KCNIP4: variants seen among roughly 807,000 people sequenced by gnomAD.
KCNIP4 encodes the protein Kv channel-interacting protein 4.
In KCNIP4, 12 loss-of-function variants were observed where a neutral mutation model predicts 34.0. That is an observed-to-expected ratio of 0.35 (90% CI 0.23 to 0.57). The LOEUF (loss-of-function observed/expected upper bound fraction) is 0.57. Among genes scored for constraint, KCNIP4 ranks in the 20% least tolerant of loss-of-function variants. KCNIP4 has a pLI of 0.83. For missense variants in KCNIP4, 238 were observed against 311.7 expected (o/e 0.76, Z 1.78); for synonymous variants, 124 against 102.2 (o/e 1.21, Z -1.29).
chr4:21,719,242 T>G (rs1364659716), intron 1 of KCNIP4, among the ~76,000 whole-genome samples: 1 of 152,060 alleles, frequency 6.6e-6, no homozygotes, highest in Non-Finnish European at 1.5e-5. Context: ...GAAACCTAAT[T>G]ATATCAGACA....
chr4:21,811,540 G>T (rs1332626171), intron 1 of KCNIP4, among the ~76,000 whole-genome samples: 1 of 152,144 alleles, frequency 6.6e-6, no homozygotes, highest in Non-Finnish European at 1.5e-5. Flanking sequence ...AAGCGAAGTG[G>T]GTAGGATTCG....
At chr4:21,826,578 C>T (rs937402457) in intron 1 of KCNIP4, among the ~76,000 whole-genome samples, 9 of 151,868 alleles carry the variant, frequency 5.9e-5, no homozygotes, top group Admixed American at 1.3e-4. Flanking sequence ...AATTTTTAAA[C>T]GGTCACTGAA....
At chr4:20,771,862 G>A (rs1364661276) in intron 3 of KCNIP4, among the ~76,000 whole-genome samples, 1 of 152,036 alleles carries the variant, frequency 6.6e-6, no homozygotes. Context: ...AGTAGAGACG[G>A]GGTTTCACCG....
At chr4:21,551,236 T>G (rs562320572) in intron 1 of KCNIP4, among the ~76,000 whole-genome samples, 1 of 152,282 alleles carries the variant, frequency 6.6e-6, no homozygotes, top group Admixed American at 6.5e-5. Context: ...CATCATTATA[T>G]TTGGAAAACA....
intron 1 of KCNIP4, among the ~76,000 whole-genome samples, chr4:21,871,343 G>GT (rs1725798797): frequency 6.8e-6 from 1 of 147,180 alleles, no homozygotes; most frequent in Non-Finnish European, 1.5e-5. Flanking sequence ...ACATGCACAC[G>GT]TATGTTTACT....
At chr4:21,789,247 T>C (rs1287980025) in intron 1 of KCNIP4, among the ~76,000 whole-genome samples, 3 of 152,174 alleles carry the variant, frequency 2.0e-5, no homozygotes. Flanking sequence ...TAAGAAATCT[T>C]AGTTGTATAA....
intron 5 of KCNIP4, among the ~76,000 whole-genome samples, chr4:20,747,243 T>C (rs914928187): frequency 3.3e-5 from 5 of 152,174 alleles, no homozygotes; most frequent in African/African-American, 9.7e-5. Flanking sequence ...CCCTAGGAAA[T>C]TGGTGGTATA....
At chr4:20,837,695 T>TC (rs1553903955) in intron 3 of KCNIP4, among the ~76,000 whole-genome samples, 4 of 147,554 alleles carry the variant, frequency 2.7e-5, no homozygotes, top group Admixed American at 6.8e-5. Flanking sequence ...TATTTTTTTT[T>TC]CCTTGGAGAT....
Position 21,367,676 on chromosome 4 carries a change from A to T in KCNIP4, c.62-484967T>A, listed in dbSNP as rs1040418733. 6.8e-5 allele frequency among the ~76,000 whole-genome samples: 10 copies of T among 147,732 alleles called. 1 individual carries two copies. Among genetic ancestry groups the T allele is most frequent in the African/African-American group, 1.1e-4 (4 of 37,292 alleles). ...GTCAAACAGAAAAATCCTGATGGAA[A>T]ATCATGGCTCCATGGGGGAGTTTGC... On this transcript the variant is annotated intron_variant, in intron 1 of 8. Transcript: ENST00000382152.
chr4:21,336,159 T>A (rs1716158003), intron 1 of KCNIP4, among the ~76,000 whole-genome samples: 1 of 152,186 alleles, frequency 6.6e-6, no homozygotes, highest in African/African-American at 2.4e-5. Flanking sequence ...TTTATTTACA[T>A]TGATACGTGA....
intron 1 of KCNIP4, among the ~76,000 whole-genome samples, chr4:21,353,888 C>A (rs1232612492): frequency 6.6e-6 from 1 of 152,144 alleles, no homozygotes; most frequent in African/African-American, 2.4e-5. Context: ...GTGTTAAGGG[C>A]AGCCAGAAAG....
intron 1 of KCNIP4, among the ~76,000 whole-genome samples, chr4:21,471,961 G>T (rs1354415782): frequency 6.6e-6 from 1 of 152,156 alleles, no homozygotes; most frequent in Non-Finnish European, 1.5e-5. Context: ...TTTGGAGAAA[G>T]AAAACAAATA....
chr4:20,731,318 C>T (rs1445306681), intron 8 of KCNIP4: 3 of 864,646 alleles, frequency 3.5e-6, no homozygotes, highest in Non-Finnish European at 4.2e-6. Context: ...AAGTTATCTT[C>T]CCGCCTCAGC....
chr4:21,696,630 C>T (rs746243165), intron 1 of KCNIP4, among the ~76,000 whole-genome samples: 18 of 152,068 alleles, frequency 1.2e-4, no homozygotes, highest in South Asian at 4.1e-4. Flanking sequence ...AATTTAATGA[C>T]GGCATTGCCT....
intron 1 of KCNIP4, among the ~76,000 whole-genome samples, chr4:21,791,114 T>C (rs1720257327): frequency 6.6e-6 from 1 of 151,938 alleles, no homozygotes; most frequent in South Asian, 2.1e-4. Context: ...AATGTATTCC[T>C]CACAGATCTG....
rs16870529 is a variant in KCNIP4, at chr4:21,173,378, A to T, written c.62-290669T>A. ...ATATCACGTGAGTAGTAAGCAGAAGACTGAGCATATAGAGGCAGACCTGTC... is the reference window on the plus strand; with the variant it reads ...ATATCACGTGAGTAGTAAGCAGAAGTCTGAGCATATAGAGGCAGACCTGTC... On this transcript the variant is annotated intron_variant, in intron 1 of 8. Transcript: ENST00000382152. Among the ~76,000 whole-genome samples the T allele has an allele frequency of 5.8e-3, 887 of 152,230 alleles. 11 individuals are homozygous for T. Among genetic ancestry groups the T allele is most frequent in the African/African-American group, 0.02 (823 of 41,540 alleles).
In KCNIP4 at chr4:20,782,719, G is replaced by A. The variant is rs139849224; in HGVS notation, c.289-23829C>T. 4.0e-3 allele frequency among the ~76,000 whole-genome samples: 609 copies of A among 152,248 alleles called. 5 individuals carry two copies. Among genetic ancestry groups the A allele is most frequent in the African/African-American group, 0.014 (574 of 41,540 alleles). On this transcript the variant is annotated intron_variant, in intron 3 of 8. Coordinates refer to ENST00000382152, the MANE Select transcript of KCNIP4 (RefSeq NM_025221.6). ...CTATACCTCTGAGTCTGTGATGGGA[G>A]AGGCTGCTGCAAAGGTCTCTGACAC...
chr4:20,957,487 C>G (rs1368609743), intron 1 of KCNIP4, among the ~76,000 whole-genome samples: 2 of 152,038 alleles, frequency 1.3e-5, no homozygotes, highest in Non-Finnish European at 2.9e-5. Flanking sequence ...GGAATTTAAG[C>G]CTAAGATCTT....
chr4:21,438,934 G>A (rs1727196399), intron 1 of KCNIP4, among the ~76,000 whole-genome samples: 1 of 152,056 alleles, frequency 6.6e-6, no homozygotes, highest in Admixed American at 6.6e-5. Context: ...AGGCCGAGGT[G>A]GGCAGATCAC....
Sources: gnomAD v4.1 joint callset for allele counts (sites outside exome capture counted in the v4.1 genomes callset) on GRCh38, gnomAD v4.1.1 for gene constraint, MANE v1.5 for transcripts, NCBI Gene and HGNC (gene_info 2026-07-23, HGNC 2026-07-21) for gene names.